The following YIPF5 variants were observed in gnomAD, a reference collection of about 807,000 sequenced individuals.
YIPF5 encodes Yip1 domain family member 5.
In YIPF5, 8 loss-of-function variants were observed where a neutral mutation model predicts 30.4. The ratio of observed to expected loss-of-function variants is 0.26; its 90% CI spans 0.15 to 0.47. The LOEUF is 0.47. Among genes scored for constraint, YIPF5 ranks in the 20% least tolerant of loss-of-function variants. The pLI, the probability that YIPF5 is intolerant of heterozygous loss-of-function variation, is 0.99. For missense variants in YIPF5, 282 were observed against 301.8 expected (o/e 0.93, Z 0.49); for synonymous variants, 104 against 107.9 (o/e 0.96, Z 0.23).
intron 1 of YIPF5, 61 bp from the exon 2 acceptor site, chr5:144,170,026 T>C: frequency 7.3e-7 from 1 of 1,375,474 alleles, no homozygotes; most frequent in Non-Finnish European, 1.0e-6. Context: ...AATTCGTTCC[T>C]GGCAGTCTGC....
chr5:144,161,438 G>A (rs1752043152), intron 5 of YIPF5, among the ~76,000 whole-genome samples: 1 of 145,332 alleles, frequency 6.9e-6, no homozygotes, highest in Non-Finnish European at 1.5e-5. Context: ...TCTGCCTCCC[G>A]GGTTCAAGTG....
chr5:144,160,459 G>A lies in YIPF5; in HGVS notation c.712C>T (p.Leu238Phe), dbSNP rs750762549. ...AAAGCGCAAGGATATGCTACTAAAAGTTGCTGTCCTTCCATGGCTAATGCA... is the reference window on the plus strand; with the variant it reads ...AAAGCGCAAGGATATGCTACTAAAAATTGCTGTCCTTCCATGGCTAATGCA... The part of the protein sequence containing the change: ...ISALAMEGQQ[L>F]LVAYPCALLY... The change falls in exon 6 of 6, where the codon CTT (leucine) becomes TTT (phenylalanine). Residue 238 changes from leucine to phenylalanine, a missense_variant. Coordinates refer to ENST00000274496, the MANE Select transcript of YIPF5 (RefSeq NM_030799.9). The A allele has an allele frequency of 8.1e-6, 13 of 1,614,004 alleles. No homozygotes were observed. Among genetic ancestry groups the A allele is most frequent in the Non-Finnish European group, 1.1e-5 (13 of 1,180,030 alleles).
At position 144,159,682 on chromosome 5, in the gene YIPF5, T is replaced by C; in HGVS notation, c.*715A>G. 1.0e-6 allele frequency: 1 copy of C among 984,932 alleles called. No homozygotes were observed. The allele number at this position is 984,932 out of a possible 1,614,324, so 61.0% of individuals were successfully genotyped here. A position where few individuals can be genotyped will look rare whatever the true frequency, so the allele number is the denominator to read the frequency against. Reference sequence around the variant, plus strand: ...TCTTTCCTAAATCCTTGGAAAAATATTTTTGCAGTAAGTCTTGTGTCTCCT... The same window carrying C: ...TCTTTCCTAAATCCTTGGAAAAATACTTTTGCAGTAAGTCTTGTGTCTCCT... On this transcript the variant is annotated 3_prime_UTR_variant, in exon 6 of 6. Transcript: ENST00000274496.
chr5:144,167,840 G>A (rs1312020645), intron 2 of YIPF5, among the ~76,000 whole-genome samples: 1 of 152,184 alleles, frequency 6.6e-6, no homozygotes, highest in East Asian at 1.9e-4. Flanking sequence ...CCAATGGAGA[G>A]CTAAAAGTTA....
rs1458073550 is a variant in YIPF5, at chr5:144,158,250, A to C, written c.*2147T>G. The C allele has an allele frequency of 2.5e-6, 1 of 392,880 alleles. No individual in the cohort carries two copies. Among genetic ancestry groups the C allele is most frequent in the Non-Finnish European group, 4.5e-6 (1 of 222,062 alleles). The allele number at this position is 392,880 out of a possible 1,614,324, so 24.3% of individuals were successfully genotyped here. Reference sequence around the variant, plus strand: ...ATAAGAGAAGTTTTGGCTATATACAACTCTGCATGTAATCAAACTCTAGAA... The same window carrying C: ...ATAAGAGAAGTTTTGGCTATATACACCTCTGCATGTAATCAAACTCTAGAA... On this transcript the variant is annotated 3_prime_UTR_variant, in exon 6 of 6. Coordinates refer to ENST00000274496, the MANE Select transcript of YIPF5 (RefSeq NM_030799.9).
chr5:144,170,048 G>T, intron 1 of YIPF5, 83 bp from the exon 2 acceptor site: 2 of 1,071,134 alleles, frequency 1.9e-6, no homozygotes, highest in South Asian at 1.3e-5. Context: ...TAAGCAAATA[G>T]AAACACAACA....
intron 1 of YIPF5, 112 bp from the exon 2 acceptor site, chr5:144,170,077 C>CGG (rs1752327155): frequency 1.2e-6 from 1 of 802,270 alleles, no homozygotes; most frequent in African/African-American, 1.7e-5. Flanking sequence ...TTCAGTAATT[C>CGG]GGAGAGGGGA....
chr5:144,160,660 C>A, intron 5 of YIPF5, 101 bp from the exon 6 acceptor site: 2 of 1,003,094 alleles, frequency 2.0e-6, no homozygotes, highest in Non-Finnish European at 2.7e-6. Flanking sequence ...TTTAAATTTA[C>A]ATTTTAAATC....
intron 4 of YIPF5, among the ~76,000 whole-genome samples, chr5:144,162,862 T>C (rs1250820172): frequency 1.3e-5 from 2 of 152,130 alleles, no homozygotes; most frequent in African/African-American, 2.4e-5. Context: ...TAAGAAGAAA[T>C]CTTATGATTC....
In YIPF5 at chr5:144,160,300, A is replaced by G. The variant is rs1210991452; in HGVS notation, c.*97T>C. 1.3e-6 allele frequency: 2 copies of G among 1,519,676 alleles called. No individual in the cohort carries two copies. The highest frequency in any genetic ancestry group is 1.8e-6 in the Non-Finnish European group (2 of 1,135,048). 94.1% of individuals were successfully genotyped at this position (1,519,676 alleles called of 1,614,324 possible). A position where few individuals can be genotyped will look rare whatever the true frequency, so the allele number is the denominator to read the frequency against. On this transcript the variant is annotated 3_prime_UTR_variant, in exon 6 of 6. Coordinates refer to ENST00000274496, the MANE Select transcript of YIPF5 (RefSeq NM_030799.9). The stretch of plus-strand genomic sequence containing the variant: ...CTCCAACAGTCAAATGTAAATCTGC[A>G]TGAGAGTTGCGCTGCAGCAGTTTGC...
At position 144,159,522 on chromosome 5, in the gene YIPF5, G is replaced by GT; in HGVS notation, c.*874dup. Reference sequence around the variant, plus strand: ...CAATAAGGTAGATTGTGAACTTCCCGTATCTCTGAATTTTAGCAAAAATTC... The same window carrying GT: ...CAATAAGGTAGATTGTGAACTTCCCGTTATCTCTGAATTTTAGCAAAAATTC... On this transcript the variant is annotated 3_prime_UTR_variant, in exon 6 of 6. Transcript: ENST00000274496. 3 of 985,254 alleles carry GT rather than the reference G, an allele frequency of 3.0e-6. No homozygotes were observed. Among genetic ancestry groups the GT allele is most frequent in the Non-Finnish European group, 3.6e-6 (3 of 829,902 alleles). 61.0% of individuals were successfully genotyped at this position (985,254 alleles called of 1,614,324 possible). A position where few individuals can be genotyped will look rare whatever the true frequency, so the allele number is the denominator to read the frequency against.
chr5:144,165,446 G>C lies in YIPF5; in HGVS notation c.269C>G (p.Pro90Arg), dbSNP rs1168384586. The C allele has an allele frequency of 6.2e-7, 1 of 1,613,936 alleles. No individual in the cohort carries two copies. Among genetic ancestry groups the C allele is most frequent in the African/African-American group, 1.3e-5 (1 of 74,886 alleles). ...ACAAATCTTACCTTCTAATAAAGGT[G>C]GCTCATCCTCAAAGTTGTTTCCATA... ...PFYGNNFEDEPPLLEELGINF... is the reference protein window; with the variant it reads ...PFYGNNFEDERPLLEELGINF... Residue 90 changes from proline to arginine, a missense_variant, in exon 3 of 6, where the codon CCA (proline) becomes CGA (arginine). Coordinates refer to ENST00000274496, the MANE Select transcript of YIPF5 (RefSeq NM_030799.9).
chr5:144,160,144 A>T lies in YIPF5; in HGVS notation c.*253T>A. On this transcript the variant is annotated 3_prime_UTR_variant, in exon 6 of 6. Coordinates refer to ENST00000274496, the MANE Select transcript of YIPF5 (RefSeq NM_030799.9). ...AAAAAGGTTTTTCAATGGCTGCAGG[A>T]ACCAGAAAGAAATAGCATTTCTTAT... 8.5e-7 allele frequency: 1 copy of T among 1,176,702 alleles called. No homozygotes were observed. Among genetic ancestry groups the T allele is most frequent in the Non-Finnish European group, 1.0e-6 (1 of 954,038 alleles). The allele number at this position is 1,176,702 out of a possible 1,614,324, so 72.9% of individuals were successfully genotyped here.
chr5:144,170,260 A>G (rs1488067011), intron 1 of YIPF5: 12 of 346,248 alleles, frequency 3.5e-5, no homozygotes, highest in East Asian at 1.3e-4. Flanking sequence ...TAAAATATCA[A>G]TAACAACAAA....
In YIPF5 at chr5:144,158,814, T is replaced by C. The variant is rs1005988772; in HGVS notation, c.*1583A>G. The C allele has an allele frequency of 1.2e-5, 12 of 985,688 alleles. No individual in the cohort carries two copies. The South Asian group carries it at 2.3e-4, about 19-fold the overall frequency. 61.1% of individuals were successfully genotyped at this position (985,688 alleles called of 1,614,324 possible). On this transcript the variant is annotated 3_prime_UTR_variant, in exon 6 of 6. Coordinates refer to ENST00000274496, the MANE Select transcript of YIPF5 (RefSeq NM_030799.9). ...ACATACTTATGTGAATCAATAAATA[T>C]GTTATTTCTCTCAACCTCTTTTTAT...
In YIPF5 at chr5:144,160,377, TCC is replaced by T; in HGVS notation, c.*18_*19del. The T allele has an allele frequency of 6.2e-7, 1 of 1,605,850 alleles. No homozygotes were observed. Among genetic ancestry groups the T allele is most frequent in the East Asian group, 2.2e-5 (1 of 44,696 alleles). ...TTTTTGTACATCTGGCCCACTGATG[TCC>T]ACATCCCAGATAAATTTTCAAAAGA... On this transcript the variant is annotated 3_prime_UTR_variant, in exon 6 of 6. Coordinates refer to ENST00000274496, the MANE Select transcript of YIPF5 (RefSeq NM_030799.9).
At chr5:144,161,453 T>G (rs1031278225) in intron 5 of YIPF5, among the ~76,000 whole-genome samples, 1 of 146,176 alleles carries the variant, frequency 6.8e-6, no homozygotes, top group South Asian at 2.3e-4. Context: ...CAAGTGATTC[T>G]CCTGCCTCAG....
Position 144,160,326 on chromosome 5 carries a change from TG to T in YIPF5, c.*70del. 6.5e-7 allele frequency: 1 copy of T among 1,544,488 alleles called. No homozygotes were observed. The highest frequency in any genetic ancestry group is 8.7e-7 in the Non-Finnish European group (1 of 1,144,248). On this transcript the variant is annotated 3_prime_UTR_variant, in exon 6 of 6. Coordinates refer to ENST00000274496, the MANE Select transcript of YIPF5 (RefSeq NM_030799.9). The stretch of plus-strand genomic sequence containing the variant: ...TGAGAGTTGCGCTGCAGCAGTTTGC[TG>T]GTCCAATTTAAGAGTTCAAGGTCCT...
rs1752172294 is a variant in YIPF5, at chr5:144,165,381, C to T, written c.283+51G>A. The T allele has an allele frequency of 2.6e-6, 4 of 1,555,820 alleles. 1 individual carries two copies. The highest frequency in any genetic ancestry group is 2.7e-5 in the African/African-American group (2 of 73,176). ...TTCTCCAAATTAAGATTAATTTTCA[C>T]TAACCAGCTGAATACTATTGAGTAC... On this transcript the variant is annotated intron_variant, in intron 3 of 5. Transcript: ENST00000274496.
Sources: allele counts gnomAD v4.1 joint callset (sites outside exome capture counted in the v4.1 genomes callset), GRCh38; gene constraint gnomAD v4.1.1; transcripts MANE v1.5; gene names NCBI Gene and HGNC (gene_info 2026-07-23, HGNC 2026-07-21).